Variants in GRM5 observed in about 807,000 individuals in gnomAD.
The protein encoded by GRM5 is glutamate metabotropic receptor 5.
In GRM5, 19 loss-of-function variants were observed where a neutral mutation model predicts 83.1. The ratio of observed to expected loss-of-function variants is 0.23; its 90% CI spans 0.16 to 0.34. The LOEUF (loss-of-function observed/expected upper bound fraction) is 0.34. GRM5 is among the 10% of genes least tolerant of loss of function. The pLI is 1.00. For synonymous variants in GRM5, 675 were observed against 633.6 expected (o/e 1.07, Z -0.98); for missense variants, 1,160 against 1,588.3 (o/e 0.73, Z 4.58).
chr11:88,789,753 C>T (rs1203356750), intron 3 of GRM5, among the ~76,000 whole-genome samples: 11 of 152,186 alleles, frequency 7.2e-5, no homozygotes, highest in Admixed American at 7.2e-4. Flanking sequence ...TTTCCTTCCA[C>T]TTATTCTTAC....
chr11:88,845,317 C>G (rs72952947), intron 3 of GRM5, among the ~76,000 whole-genome samples: 5 of 112,192 alleles, frequency 4.5e-5, no homozygotes, highest in Admixed American at 1.8e-4. Context: ...CAGATGATCA[C>G]TTGCTTTTTT....
chr11:88,521,044 G>A (rs1431179234), intron 9 of GRM5, among the ~76,000 whole-genome samples: 3 of 151,972 alleles, frequency 2.0e-5, no homozygotes, highest in Non-Finnish European at 1.5e-5. Flanking sequence ...TTTGACTGAC[G>A]GAGCCCTTCC....
intron 3 of GRM5, among the ~76,000 whole-genome samples, chr11:88,810,901 G>T (rs1229708282): frequency 6.6e-6 from 1 of 152,068 alleles, no homozygotes; most frequent in African/African-American, 2.4e-5. Flanking sequence ...CAACTTAAGA[G>T]AAACAGAACT....
At chr11:88,767,295 T>G (rs1415384789) in intron 3 of GRM5, among the ~76,000 whole-genome samples, 1 of 151,952 alleles carries the variant, frequency 6.6e-6, no homozygotes, top group East Asian at 1.9e-4. Context: ...AAAACAGAAT[T>G]GCTATTTGAT....
In GRM5 at chr11:88,741,303, A is replaced by T. The variant is rs557035471; in HGVS notation, c.912-87900T>A. Among the ~76,000 whole-genome samples, 5 of 152,156 alleles carry T rather than the reference A, an allele frequency of 3.3e-5. No homozygotes were observed. In the East Asian group the frequency reaches 7.8e-4, roughly 24 times the overall value. On this transcript the variant is annotated intron_variant, in intron 3 of 9. Coordinates refer to ENST00000305447, the MANE Select transcript of GRM5 (RefSeq NM_001143831.3). Reference sequence around the variant, plus strand: ...CTGGACCAGTACAGTAGGGAGAATGAAATATTGCAACTTGGTTGCAATAGG... The same window carrying T: ...CTGGACCAGTACAGTAGGGAGAATGTAATATTGCAACTTGGTTGCAATAGG...
chr11:88,958,935 T>G (rs1938703052), intron 2 of GRM5, among the ~76,000 whole-genome samples: 1 of 152,130 alleles, frequency 6.6e-6, no homozygotes, highest in South Asian at 2.1e-4. Context: ...TACTTTATTT[T>G]TAAAAAGTTT....
intron 2 of GRM5, among the ~76,000 whole-genome samples, chr11:88,954,607 G>A (rs1938553605): frequency 1.3e-5 from 2 of 152,292 alleles, no homozygotes; most frequent in Admixed American, 1.3e-4. Flanking sequence ...TGGCTATTGA[G>A]TACTTGAAAT....
chr11:88,670,967 G>A (rs1217296603), intron 3 of GRM5, among the ~76,000 whole-genome samples: 1 of 151,826 alleles, frequency 6.6e-6, no homozygotes, highest in Non-Finnish European at 1.5e-5. Context: ...TAACAGAAAT[G>A]CTATTAAATA....
intron 3 of GRM5, among the ~76,000 whole-genome samples, chr11:88,772,131 A>G (rs570734651): frequency 6.6e-6 from 1 of 152,270 alleles, no homozygotes; most frequent in East Asian, 1.9e-4. Flanking sequence ...CTGTATCTTG[A>G]AACTCTTAAC....
At chr11:88,645,569 A>T (rs1939421511) in intron 4 of GRM5, among the ~76,000 whole-genome samples, 2 of 152,118 alleles carry the variant, frequency 1.3e-5, no homozygotes, top group Admixed American at 1.3e-4. Context: ...GTTTTGACTG[A>T]GGCAGAGTTT....
intron 7 of GRM5, among the ~76,000 whole-genome samples, chr11:88,584,205 T>TACACACACACAC (rs10526384): frequency 1.0e-4 from 15 of 144,308 alleles, no homozygotes; most frequent in African/African-American, 3.6e-4. Context: ...TGTTTCAAAT[T>TACACACACACAC]ACACACACAC....
At chr11:88,984,409 C>T (rs1227339110) in intron 2 of GRM5, among the ~76,000 whole-genome samples, 2 of 152,154 alleles carry the variant, frequency 1.3e-5, no homozygotes, top group African/African-American at 4.8e-5. Context: ...GAGCAATAGG[C>T]CATACCACAT....
chr11:88,802,619 T>A (rs1943418838), intron 3 of GRM5, among the ~76,000 whole-genome samples: 1 of 152,102 alleles, frequency 6.6e-6, no homozygotes, highest in Admixed American at 6.6e-5. Context: ...CTTTGAAAAC[T>A]GGCACAAGAC....
At chr11:88,537,007 C>A (rs992170374) in intron 8 of GRM5, among the ~76,000 whole-genome samples, 2 of 152,094 alleles carry the variant, frequency 1.3e-5, no homozygotes, top group African/African-American at 4.8e-5. Flanking sequence ...TTGGTCAAGA[C>A]CCCATAGCTT....
intron 2 of GRM5, among the ~76,000 whole-genome samples, chr11:88,912,383 C>G (rs1014380017): frequency 2.6e-5 from 4 of 151,402 alleles, no homozygotes; most frequent in African/African-American, 4.9e-5. Flanking sequence ...GACTAGAAAA[C>G]AAGGCTCTCA....
chr11:88,776,667 G>A (rs925279604), intron 3 of GRM5, among the ~76,000 whole-genome samples: 2 of 152,142 alleles, frequency 1.3e-5, no homozygotes, highest in South Asian at 4.1e-4. Flanking sequence ...TTGCTTCTCT[G>A]TAGAGGATTT....
At chr11:89,042,130 C>A (rs1212739933) in intron 2 of GRM5, among the ~76,000 whole-genome samples, 1 of 152,088 alleles carries the variant, frequency 6.6e-6, no homozygotes, top group Non-Finnish European at 1.5e-5. Context: ...CTGCAACCTC[C>A]ACCTCCCAGG....
intron 2 of GRM5, among the ~76,000 whole-genome samples, chr11:88,939,740 C>T (rs1938023288): frequency 6.6e-6 from 1 of 151,566 alleles, no homozygotes; most frequent in Non-Finnish European, 1.5e-5. Context: ...ACATTTAGTA[C>T]ATAATGAATA....
chr11:88,684,677 ATGT>A (rs1416406213), intron 3 of GRM5, among the ~76,000 whole-genome samples: 2 of 152,138 alleles, frequency 1.3e-5, no homozygotes, highest in African/African-American at 4.8e-5. Context: ...TAATTCCCAC[ATGT>A]TGTGGGAGAG....
Sources: allele counts gnomAD v4.1 joint callset (sites outside exome capture counted in the v4.1 genomes callset), GRCh38; gene constraint gnomAD v4.1.1; transcripts MANE v1.5; gene names NCBI Gene and HGNC (gene_info 2026-07-23, HGNC 2026-07-21).